KCNQ1: variants seen among roughly 807,000 people sequenced by gnomAD.
The protein encoded by KCNQ1 is potassium voltage-gated channel subfamily KQT member 1.
In KCNQ1, 49 loss-of-function variants were observed where a neutral mutation model predicts 72.4. The ratio of observed to expected loss-of-function variants is 0.68; its 90% CI spans 0.54 to 0.86. The LOEUF (loss-of-function observed/expected upper bound fraction) is 0.86. Among genes scored for constraint, KCNQ1 ranks in the 40% least tolerant of loss-of-function variants. The pLI is 0.00. For synonymous variants in KCNQ1, 450 were observed against 412.6 expected, an observed-to-expected ratio of 1.09 and a Z score of -1.10; for missense variants, 790 against 945.1, an observed-to-expected ratio of 0.84 and a Z score of 2.15.
chr11:2,469,387 C>T (rs1015510984), intron 1 of KCNQ1, among the ~76,000 whole-genome samples: 1 of 152,044 alleles, frequency 6.6e-6, no homozygotes, highest in African/African-American at 2.4e-5. Flanking sequence ...GATTCTCCTG[C>T]CTCAGCCTCC....
In KCNQ1 at chr11:2,526,324, C is replaced by T. The variant is rs182645274; in HGVS notation, c.387-1604C>T. Among the ~76,000 whole-genome samples, 85 of 152,170 alleles carry T rather than the reference C, an allele frequency of 5.6e-4. 1 individual carries two copies. The highest frequency in any genetic ancestry group is 1.9e-3 in the African/African-American group (79 of 41,504). On this transcript the variant is annotated intron_variant, in intron 1 of 15. Coordinates refer to ENST00000155840, the MANE Select transcript of KCNQ1 (RefSeq NM_000218.3). The surrounding 1 kb of genome is among the most constrained non-coding windows in gnomAD (Gnocchi z 6.1). ...AGACAGGGGCTGGCTGGGTTCGGCTCTGCAGGTAGAGCTGACCGGTGTGGC... is the reference window on the plus strand; with the variant it reads ...AGACAGGGGCTGGCTGGGTTCGGCTTTGCAGGTAGAGCTGACCGGTGTGGC...
rs377377404 is a variant in KCNQ1, at chr11:2,778,893, G to A, written c.1794+856G>A. ...CGGGCAGGCGGGGCAGGCACAGCCCGGCCCAGGCTCCTGCTCCTGCCCCAC... is the reference window on the plus strand; with the variant it reads ...CGGGCAGGCGGGGCAGGCACAGCCCAGCCCAGGCTCCTGCTCCTGCCCCAC... On this transcript the variant is annotated intron_variant, in intron 15 of 15. Transcript: ENST00000155840. 6.6e-3 allele frequency among the ~76,000 whole-genome samples: 1,001 copies of A among 151,614 alleles called. 10 individuals carry two copies. The highest frequency in any genetic ancestry group is 0.022 in the African/African-American group (928 of 41,336).
rs1218785390 is a variant in KCNQ1 at position 2,767,479 on chromosome 11, C to T, written c.1515-1365C>T. Among the ~76,000 whole-genome samples the T allele has an allele frequency of 6.6e-6, 1 of 152,172 alleles. No homozygotes were observed. Among genetic ancestry groups the T allele is most frequent in the African/African-American group, 2.4e-5 (1 of 41,444 alleles). On this transcript the variant is annotated intron_variant, in intron 11 of 15. Transcript: ENST00000155840. This position sits in a 1 kb window ranked among gnomAD's most constrained non-coding sequence, Gnocchi z 4.6. The stretch of plus-strand genomic sequence containing the variant: ...ATTTAAGGCTGTTGGAAGTACCACA[C>T]CTTTAGATCTGTATGATCTCTCTTT...
rs1325049518 is a variant in KCNQ1 at position 2,669,280 on chromosome 11, G to A, written c.1514+7199G>A. 1 of 398,650 alleles carries A rather than the reference G, an allele frequency of 2.5e-6. No individual in the cohort carries two copies. Among genetic ancestry groups the A allele is most frequent in the Non-Finnish European group, 4.4e-6 (1 of 226,102 alleles). The allele number at this position is 398,650 out of a possible 1,614,324, so 24.7% of individuals were successfully genotyped here. Reference sequence around the variant, plus strand: ...ATCACTGGCTTTGCTGTCTTTGCAGGGTTTCTCCTCACCATACATATGCCA... The same window carrying A: ...ATCACTGGCTTTGCTGTCTTTGCAGAGTTTCTCCTCACCATACATATGCCA... On this transcript the variant is annotated intron_variant, in intron 11 of 15. Transcript: ENST00000155840. The surrounding 1 kb of genome is among the most constrained non-coding windows in gnomAD (Gnocchi z 5.6).
intron 15 of KCNQ1, among the ~76,000 whole-genome samples, chr11:2,838,301 A>G (rs990838973): frequency 1.3e-5 from 2 of 152,156 alleles, no homozygotes; most frequent in Non-Finnish European, 1.5e-5. Flanking sequence ...GTGAAACGGC[A>G]TGCAGAAAGA....
intron 11 of KCNQ1, chr11:2,662,547 T>G (rs1441923616): frequency 4.7e-6 from 2 of 428,042 alleles, no homozygotes; most frequent in African/African-American, 2.0e-5. Context: ...CGCCTTCCAG[T>G]TGGCCTTCCC....
chr11:2,597,341 CAT>C (rs775485733), intron 10 of KCNQ1, among the ~76,000 whole-genome samples: 47 of 152,170 alleles, frequency 3.1e-4, no homozygotes, highest in Non-Finnish European at 6.2e-4. Flanking sequence ...TTATTCTACA[CAT>C]ATCTTACACA....
In KCNQ1 at chr11:2,813,286, G is replaced by A. The variant is rs189514993; in HGVS notation, c.1795-34481G>A. 2.6e-5 allele frequency among the ~76,000 whole-genome samples: 4 copies of A among 152,296 alleles called. No homozygotes were observed. The highest frequency in any genetic ancestry group is 2.0e-4 in the Admixed American group (3 of 15,304). On this transcript the variant is annotated intron_variant, in intron 15 of 15. Coordinates refer to ENST00000155840, the MANE Select transcript of KCNQ1 (RefSeq NM_000218.3). The surrounding 1 kb of genome is among the most constrained non-coding windows in gnomAD (Gnocchi z 4.4). ...ACTGATGGCCTCAGGATGCCAGCAGGCCCTCTGATGCCCAGGGCTCATTCA... is the reference window on the plus strand; with the variant it reads ...ACTGATGGCCTCAGGATGCCAGCAGACCCTCTGATGCCCAGGGCTCATTCA...
In KCNQ1 at chr11:2,508,007, G is replaced by A. The variant is rs1290162491; in HGVS notation, c.387-19921G>A. Among the ~76,000 whole-genome samples, 3 of 152,058 alleles carry A rather than the reference G, an allele frequency of 2.0e-5. No homozygotes were observed. Among genetic ancestry groups the A allele is most frequent in the Non-Finnish European group, 2.9e-5 (2 of 67,978 alleles). ...ACACGTATGTGGGAGTCTGGGTCCT[G>A]GTGGGTCCCAGCCCCGTACATGGAG... On this transcript the variant is annotated intron_variant, in intron 1 of 15. Coordinates refer to ENST00000155840, the MANE Select transcript of KCNQ1 (RefSeq NM_000218.3). The surrounding 1 kb of genome is among the most constrained non-coding windows in gnomAD (Gnocchi z 6.2).
In KCNQ1 at chr11:2,513,775, C is replaced by G. The variant is rs1589921956; in HGVS notation, c.387-14153C>G. Among the ~76,000 whole-genome samples the G allele has an allele frequency of 2.6e-5, 4 of 152,374 alleles. No homozygotes were observed. In the South Asian group the frequency reaches 8.3e-4, roughly 32 times the overall value. ...TGGGATCTGCACAGGTTGCCATTCT[C>G]TCTGCCTAGACTGGGCCTCCACCTC... On this transcript the variant is annotated intron_variant, in intron 1 of 15. Coordinates refer to ENST00000155840, the MANE Select transcript of KCNQ1 (RefSeq NM_000218.3).
chr11:2,725,691 CCAGCCGAGGG>C lies in KCNQ1; in HGVS notation c.1515-43147_1515-43138del, dbSNP rs1171570339. ...GCCCCAGGCCCACAGGCTGTGCACT[CCAGCCGAGGG>C]CAGCCTGGGGAAGGTACGAGAGATC... On this transcript the variant is annotated intron_variant, in intron 11 of 15. Coordinates refer to ENST00000155840, the MANE Select transcript of KCNQ1 (RefSeq NM_000218.3). This position sits in a 1 kb window ranked among gnomAD's most constrained non-coding sequence, Gnocchi z 7.2. 5.3e-5 allele frequency among the ~76,000 whole-genome samples: 8 copies of C among 152,172 alleles called. No individual in the cohort carries two copies. Among genetic ancestry groups the C allele is most frequent in the Admixed American group, 3.3e-4 (5 of 15,286 alleles).
At chr11:2,727,996 G>T (rs893995529) in intron 11 of KCNQ1, among the ~76,000 whole-genome samples, 2 of 152,048 alleles carry the variant, frequency 1.3e-5, no homozygotes, top group Non-Finnish European at 2.9e-5. Flanking sequence ...CCTGCGTGAG[G>T]TTCATGTGAC....
At chr11:2,638,926 T>G (rs1214241324) in intron 10 of KCNQ1, 1 of 152,232 alleles carries the variant, frequency 6.6e-6, no homozygotes, top group Admixed American at 6.5e-5. Flanking sequence ...TTTACTCTTT[T>G]TTCTCTGAAC....
chr11:2,797,201 G>A (rs1383846277), intron 15 of KCNQ1, among the ~76,000 whole-genome samples: 7 of 152,144 alleles, frequency 4.6e-5, no homozygotes, highest in Admixed American at 4.6e-4. Context: ...GAGGAGGACA[G>A]TGCTGGGGGC....
rs1407040751 is a variant in KCNQ1, at chr11:2,603,171, C to T, written c.1393+14317C>T. 6.6e-6 allele frequency among the ~76,000 whole-genome samples: 1 copy of T among 152,204 alleles called. No homozygotes were observed. The highest frequency in any genetic ancestry group is 1.5e-5 in the Non-Finnish European group (1 of 68,030). On this transcript the variant is annotated intron_variant, in intron 10 of 15. Transcript: ENST00000155840. This position sits in a 1 kb window ranked among gnomAD's most constrained non-coding sequence, Gnocchi z 4.1. ...GCAAATATTGCAATAAAGCAAGTCACACAAATTTTTTGGTTTGCCACTGCA... is the reference window on the plus strand; with the variant it reads ...GCAAATATTGCAATAAAGCAAGTCATACAAATTTTTTGGTTTGCCACTGCA...
At chr11:2,618,621 A>C (rs923559264) in intron 10 of KCNQ1, 1 of 398,498 alleles carries the variant, frequency 2.5e-6, no homozygotes, top group African/African-American at 2.1e-5. Context: ...TAAACCAGAA[A>C]GTATGAAGTC....
intron 11 of KCNQ1, among the ~76,000 whole-genome samples, chr11:2,714,723 G>A (rs910163882): frequency 5.3e-5 from 8 of 152,294 alleles, no homozygotes; most frequent in South Asian, 2.1e-4. Flanking sequence ...AAAGGGACAC[G>A]AAGCCCTTGG....
At position 2,821,644 on chromosome 11, in the gene KCNQ1, G is replaced by C. The variant is rs35899328; in HGVS notation, c.1795-26123G>C. 4.7e-3 allele frequency among the ~76,000 whole-genome samples: 722 copies of C among 152,222 alleles called. 2 individuals are homozygous for C. Among genetic ancestry groups the C allele is most frequent in the Non-Finnish European group, 7.9e-3 (538 of 68,000 alleles). ...CCAAGGCCTTTGGGATGGGCCTTGCGTGCTGCCCTTCTGCTGGAAACCCTC... is the reference window on the plus strand; with the variant it reads ...CCAAGGCCTTTGGGATGGGCCTTGCCTGCTGCCCTTCTGCTGGAAACCCTC... On this transcript the variant is annotated intron_variant, in intron 15 of 15. Coordinates refer to ENST00000155840, the MANE Select transcript of KCNQ1 (RefSeq NM_000218.3).
In KCNQ1 at chr11:2,797,323, G is replaced by A. The variant is rs367755757; in HGVS notation, c.1794+19286G>A. Among the ~76,000 whole-genome samples, 34 of 152,178 alleles carry A rather than the reference G, an allele frequency of 2.2e-4. 1 individual carries two copies. The highest frequency in any genetic ancestry group is 7.2e-4 in the African/African-American group (30 of 41,568). On this transcript the variant is annotated intron_variant, in intron 15 of 15. Transcript: ENST00000155840. ...TGCCTGCAGACCAAGCGGTCACATC[G>A]CGAATGAGTCCTCATGCTGTGCGTC... is the stretch of plus-strand genomic sequence containing the variant.
Sources: allele counts gnomAD v4.1 joint callset (sites outside exome capture counted in the v4.1 genomes callset), GRCh38; gene constraint gnomAD v4.1.1; non-coding constraint Gnocchi (gnomAD v3.1); transcripts MANE v1.5; gene names NCBI Gene and HGNC (gene_info 2026-07-23, HGNC 2026-07-21).